TENM2: variants seen among roughly 807,000 people sequenced by gnomAD.
TENM2 encodes the protein teneurin transmembrane protein 2.
In TENM2, 52 loss-of-function variants were observed where a neutral mutation model predicts 245.2. The observed-to-expected ratio is 0.21, with a 90% CI of 0.17 to 0.27. The LOEUF (loss-of-function observed/expected upper bound fraction) is 0.27, where lower values mean the gene tolerates loss of function less well. Ranked by LOEUF, TENM2 falls within the 10% of genes least tolerant of loss-of-function variation. The pLI is 1.00. For missense variants in TENM2, 3,046 were observed against 3,666.8 expected (o/e 0.83, Z 4.37); for synonymous variants, 1,363 against 1,438.9 (o/e 0.95, Z 1.19).
At chr5:168,175,978 A>C (rs1302173130) in intron 13 of TENM2, among the ~76,000 whole-genome samples, 1 of 152,236 alleles carries the variant, frequency 6.6e-6, no homozygotes, top group Non-Finnish European at 1.5e-5. Context: ...AGGCCATTGC[A>C]TAGGCCTTTG....
At chr5:168,234,298 G>A (rs1562315809) in intron 25 of TENM2, among the ~76,000 whole-genome samples, 1 of 152,072 alleles carries the variant, frequency 6.6e-6, no homozygotes, top group Non-Finnish European at 1.5e-5. Context: ...GATTGACCTG[G>A]CAGAGGGAGT....
chr5:167,166,168 C>A, the TENM2 span, among the ~76,000 whole-genome samples: 3 of 152,178 alleles, frequency 2.0e-5, no homozygotes, highest in African/African-American at 7.2e-5. Context: ...TCTATGCCGA[C>A]AGGCCAGGCT....
intron 12 of TENM2, among the ~76,000 whole-genome samples, chr5:168,137,190 A>G (rs1173473871): frequency 6.6e-6 from 1 of 152,224 alleles, no homozygotes; most frequent in African/African-American, 2.4e-5. Context: ...AAGAGCTGAG[A>G]ATCCTGGGCT....
chr5:167,887,944 A>G (rs1380730261), intron 3 of TENM2, among the ~76,000 whole-genome samples: 1 of 152,148 alleles, frequency 6.6e-6, no homozygotes, highest in African/African-American at 2.4e-5. Context: ...TTGTGGCAGC[A>G]TAACTCCAGT....
intron 2 of TENM2, among the ~76,000 whole-genome samples, chr5:167,611,023 A>G (rs1777443270): frequency 6.6e-6 from 1 of 152,170 alleles, no homozygotes; most frequent in African/African-American, 2.4e-5. Flanking sequence ...TTTAATGTAG[A>G]TTATCTTACA....
At chr5:167,820,898 A>G (rs1050152898) in intron 2 of TENM2, among the ~76,000 whole-genome samples, 8 of 152,196 alleles carry the variant, frequency 5.3e-5, no homozygotes, top group African/African-American at 1.9e-4. Flanking sequence ...CTTTTGCAGG[A>G]AGGAAACAAT....
chr5:167,016,366 T>A, the TENM2 span, among the ~76,000 whole-genome samples: 1 of 152,092 alleles, frequency 6.6e-6, no homozygotes, highest in Admixed American at 6.5e-5. Context: ...GCTGATCATG[T>A]TCACTAATTC....
At chr5:167,948,342 T>G (rs1334995816) in intron 3 of TENM2, among the ~76,000 whole-genome samples, 1 of 152,228 alleles carries the variant, frequency 6.6e-6, no homozygotes, top group Admixed American at 6.5e-5. Flanking sequence ...CAAAATCAAC[T>G]GGCAACAACT....
chr5:167,544,455 C>G (rs1426011621), intron 2 of TENM2, among the ~76,000 whole-genome samples: 1 of 152,126 alleles, frequency 6.6e-6, no homozygotes, highest in Non-Finnish European at 1.5e-5. Context: ...ACATTGAGAG[C>G]TACAATGGGA....
intron 2 of TENM2, among the ~76,000 whole-genome samples, chr5:167,812,174 TGTA>T (rs1370588815): frequency 6.6e-6 from 1 of 152,080 alleles, no homozygotes; most frequent in Non-Finnish European, 1.5e-5. Context: ...TCCAATAAAA[TGTA>T]GTATTCCTGC....
chr5:167,873,320 C>T (rs1363194258), intron 2 of TENM2, among the ~76,000 whole-genome samples: 2 of 152,320 alleles, frequency 1.3e-5, no homozygotes, highest in South Asian at 2.1e-4. Context: ...AACGCAGAAA[C>T]GTGATCTGCT....
At chr5:168,226,467 A>T (rs536075096) in intron 24 of TENM2, among the ~76,000 whole-genome samples, 3 of 152,308 alleles carry the variant, frequency 2.0e-5, no homozygotes, top group South Asian at 2.1e-4. Context: ...ACAGAATGTC[A>T]TCTACACCCA....
chr5:167,594,624 C>G (rs1776079658), intron 2 of TENM2, among the ~76,000 whole-genome samples: 1 of 152,174 alleles, frequency 6.6e-6, no homozygotes, highest in Admixed American at 6.5e-5. Flanking sequence ...AGCCTAGAAT[C>G]AGAATTGAAT....
At chr5:167,235,144 C>A in the TENM2 span, among the ~76,000 whole-genome samples, 2 of 152,142 alleles carry the variant, frequency 1.3e-5, no homozygotes, top group African/African-American at 2.4e-5. Context: ...TTGCAGATGG[C>A]TTTTTCCCCT....
chr5:168,215,003 C>T (rs770300471), intron 20 of TENM2, 37 bp from the exon 23 acceptor site: 3 of 1,569,078 alleles, frequency 1.9e-6, no homozygotes, highest in Non-Finnish European at 1.8e-6. Flanking sequence ...GCTCCATAGC[C>T]CCCTCCTCAT....
chr5:167,630,949 G>A (rs1035081248), intron 2 of TENM2, among the ~76,000 whole-genome samples: 18 of 152,126 alleles, frequency 1.2e-4, no homozygotes, highest in African/African-American at 1.2e-4. Context: ...GTACCCAACC[G>A]GGTTTTGGAC....
Position 168,215,016 on chromosome 5 carries a change from C to A in TENM2, c.3846-24C>A, listed in dbSNP as rs376534730. ...CAGCTCCATAGCCCCCTCCTCATTT[C>A]TCTTTGTGCTTCTTCTACTAAAGCA... On this transcript the variant is annotated intron_variant, in intron 20 of 28. Coordinates refer to ENST00000518659, the Ensembl canonical transcript of TENM2. 35 of 1,608,396 alleles carry A rather than the reference C, an allele frequency of 2.2e-5. No homozygotes were observed. The African/African-American group carries it at 3.7e-4, about 17-fold the overall frequency.
At chr5:167,558,432 A>C (rs1773385912) in intron 2 of TENM2, among the ~76,000 whole-genome samples, 1 of 152,224 alleles carries the variant, frequency 6.6e-6, no homozygotes, top group African/African-American at 2.4e-5. Context: ...AAGGGTCCCC[A>C]ACCCCCCGGC....
intron 8 of TENM2, among the ~76,000 whole-genome samples, chr5:168,091,445 A>G (rs1471153751): frequency 6.6e-6 from 1 of 152,162 alleles, no homozygotes; most frequent in Non-Finnish European, 1.5e-5. Flanking sequence ...AAAGCTCTAA[A>G]AGGGTCATTC....
Sources: allele counts gnomAD v4.1 joint callset (sites outside exome capture counted in the v4.1 genomes callset), GRCh38; gene constraint gnomAD v4.1.1; transcripts MANE v1.5; gene names NCBI Gene and HGNC (gene_info 2026-07-23, HGNC 2026-07-21).